Variants in KLKB1 observed in about 807,000 individuals in gnomAD.
KLKB1 encodes the protein plasma kallikrein.
A neutral mutation model predicts 73.6 loss-of-function variants in KLKB1; 58 were observed. The ratio of observed to expected loss-of-function variants is 0.79; its 90% CI spans 0.64 to 0.98. KLKB1 has a LOEUF of 0.98. KLKB1 is among the 50% of genes least tolerant of loss of function. The pLI is 0.00. For synonymous variants in KLKB1, 280 were observed against 258.1 expected (o/e 1.08, Z -0.81); for missense variants, 737 against 763.8 (o/e 0.96, Z 0.41).
chr4:186,226,581 CT>C (rs1561446690), upstream of KLKB1: 1 of 152,384 alleles, frequency 6.6e-6, no homozygotes, highest in Non-Finnish European at 1.5e-5. Flanking sequence ...TGGGGGCTGA[CT>C]TGGCACTGAA....
chr4:186,238,734 G>A (rs528482706), intron 6 of KLKB1, among the ~76,000 whole-genome samples: 1 of 152,328 alleles, frequency 6.6e-6, no homozygotes, highest in South Asian at 2.1e-4. Context: ...TCCCTGTGGA[G>A]CGTCCTGGAG....
At chr4:186,244,299 A>G (rs1738211226) in intron 6 of KLKB1, among the ~76,000 whole-genome samples, 1 of 152,142 alleles carries the variant, frequency 6.6e-6, no homozygotes, top group Non-Finnish European at 1.5e-5. Context: ...AGGCGGAAGT[A>G]CTTAACCATA....
chr4:186,229,940 G>A (rs75577822), intron 2 of KLKB1, among the ~76,000 whole-genome samples: 1 of 149,636 alleles, frequency 6.7e-6, no homozygotes, highest in Admixed American at 6.7e-5. Flanking sequence ...AGACTCTTAT[G>A]TTTTTTTTTT....
Position 186,254,760 on chromosome 4 carries a change from A to G in KLKB1, c.1486A>G (p.Thr496Ala), listed in dbSNP as rs144541812. 1.4e-5 allele frequency: 22 copies of G among 1,611,428 alleles called. No homozygotes were observed. The African/African-American group carries it at 2.5e-4, about 19-fold the overall frequency. ...LIKLQAPLNYTEFQKPICLPS... is the reference protein window; with the variant it reads ...LIKLQAPLNYAEFQKPICLPS... ...AAAACTCCAGGCTCCTTTGAATTAC[A>G]CTGGTATGTAGCATATGTAAGAAGG... Residue 496 changes from threonine to alanine, a missense_variant, in exon 12 of 15, where the codon ACT becomes GCT. Thr to Ala is a moderately conservative substitution (Grantham distance 58, BLOSUM62 0). Transcript: ENST00000264690.
chr4:186,212,119 C>T (rs1736742870), intron 2 of KLKB1: 1 of 152,084 alleles, frequency 6.6e-6, no homozygotes, highest in Admixed American at 6.6e-5. Flanking sequence ...CAGTTGGTGA[C>T]AGAGCTGGAA....
chr4:186,252,719 C>T (rs1053302502), intron 11 of KLKB1, among the ~76,000 whole-genome samples: 1 of 150,632 alleles, frequency 6.6e-6, no homozygotes, highest in Non-Finnish European at 1.5e-5. Context: ...ATCCCACCAC[C>T]GATCCCGCCA....
At chr4:186,219,004 A>C (rs558222157) in intron 2 of KLKB1, among the ~76,000 whole-genome samples, 62 of 152,196 alleles carry the variant, frequency 4.1e-4, no homozygotes, top group Non-Finnish European at 7.2e-4. Context: ...CCAAAAGCTG[A>C]AGAACTTGGA....
chr4:186,241,136 C>T (rs184584388), intron 6 of KLKB1, among the ~76,000 whole-genome samples: 391 of 152,268 alleles, frequency 2.6e-3, no homozygotes, highest in South Asian at 4.6e-3. Context: ...ACGTGGTCCC[C>T]GTTCCTCAGG....
intron 2 of KLKB1, among the ~76,000 whole-genome samples, chr4:186,230,469 G>C (rs1168875384): frequency 6.6e-6 from 1 of 152,136 alleles, no homozygotes; most frequent in Non-Finnish European, 1.5e-5. Flanking sequence ...CCATGGACAT[G>C]GGGGCCCATG....
chr4:186,234,230 T>C (rs1737544607), intron 4 of KLKB1, among the ~76,000 whole-genome samples, 172 bp downstream of exon 4: 1 of 152,226 alleles, frequency 6.6e-6, no homozygotes, highest in African/African-American at 2.4e-5. Flanking sequence ...TGGACACTTC[T>C]ATTGTCTTTA....
intron 1 of KLKB1, 131 bp downstream of exon 1, chr4:186,227,718 CT>C (rs763535579): frequency 6.3e-6 from 1 of 158,328 alleles, no homozygotes. Flanking sequence ...GATAATGTTC[CT>C]TTATGTAGAA....
chr4:186,213,058 TG>T (rs1313896066), intron 2 of KLKB1: 1 of 152,264 alleles, frequency 6.6e-6, no homozygotes, highest in East Asian at 1.9e-4. Flanking sequence ...CCTTACATTT[TG>T]TTTTTAGTGA....
intron 6 of KLKB1, among the ~76,000 whole-genome samples, chr4:186,245,474 G>C (rs745935444): frequency 6.6e-6 from 1 of 152,194 alleles, no homozygotes; most frequent in Non-Finnish European, 1.5e-5. Context: ...TAGACAGTCC[G>C]ATTTCTAGTG....
upstream of KLKB1, among the ~76,000 whole-genome samples, chr4:186,227,140 A>G (rs1178288452): frequency 6.6e-6 from 1 of 152,176 alleles, no homozygotes; most frequent in Non-Finnish European, 1.5e-5. Flanking sequence ...TGTGCTGCCC[A>G]GGCTTGAAGG....
At chr4:186,226,019 C>T (rs922536671), upstream of KLKB1, among the ~76,000 whole-genome samples, 1 of 151,642 alleles carries the variant, frequency 6.6e-6, no homozygotes, top group African/African-American at 2.4e-5. Flanking sequence ...CTGATTCTTT[C>T]TCCTGCTTGA....
chr4:186,251,283 A>G lies in KLKB1; in HGVS notation c.823A>G (p.Thr275Ala). 1 of 1,612,168 alleles carries G rather than the reference A, an allele frequency of 6.2e-7. No homozygotes were observed. The highest frequency in any genetic ancestry group is 8.5e-7 in the Non-Finnish European group (1 of 1,178,292). The change falls in exon 8 of 15, where the codon ACC becomes GCC. Residue 275 changes from threonine (T) to alanine (A), a missense_variant. Coordinates refer to ENST00000264690, the MANE Select transcript of KLKB1 (RefSeq NM_000892.5). ...TPSSSTPQEN[T>A]ISGYSLLTCK... ...AAGTTCCTCTACTCCTCAAGAAAAC[A>G]CCATATCTGGATATAGCCTTTTAAC...
chr4:186,242,530 G>A (rs1276998802), intron 6 of KLKB1, among the ~76,000 whole-genome samples: 2 of 152,140 alleles, frequency 1.3e-5, no homozygotes, highest in African/African-American at 4.8e-5. Context: ...TTGTGGGGTT[G>A]TTAGAAGCAG....
intron 2 of KLKB1, among the ~76,000 whole-genome samples, chr4:186,231,097 A>C (rs1579994633): frequency 6.6e-6 from 1 of 152,212 alleles, no homozygotes; most frequent in East Asian, 1.9e-4. Flanking sequence ...AGGATAGTGC[A>C]GAGAAGATGG....
At chr4:186,214,557 C>A (rs1210289731) in intron 2 of KLKB1, among the ~76,000 whole-genome samples, 1 of 152,210 alleles carries the variant, frequency 6.6e-6, no homozygotes, top group Non-Finnish European at 1.5e-5. Flanking sequence ...GCAGAGTTTT[C>A]TCTTTTCTAG....
Sources: gnomAD v4.1 joint callset for allele counts (sites outside exome capture counted in the v4.1 genomes callset) on GRCh38, gnomAD v4.1.1 for gene constraint, MANE v1.5 for transcripts, NCBI Gene and HGNC (gene_info 2026-07-23, HGNC 2026-07-21) for gene names.